The following NLGN1 variants were observed in gnomAD, a reference collection of about 807,000 sequenced individuals.
The protein encoded by NLGN1 is neuroligin 1.
Under a neutral mutation model 65.5 loss-of-function variants are expected in NLGN1, and 12 were observed. That is an observed-to-expected ratio of 0.18 (90% CI 0.12 to 0.30). NLGN1 has a LOEUF of 0.30. Ranked by LOEUF, NLGN1 falls within the 10% of genes least tolerant of loss-of-function variation. NLGN1 has a pLI of 1.00. For missense variants in NLGN1, 750 were observed against 1,007.1 expected (o/e 0.74, Z 3.46); for synonymous variants, 350 against 359.5 (o/e 0.97, Z 0.30).
intron 4 of NLGN1, among the ~76,000 whole-genome samples, chr3:174,071,026 G>A (rs1439630289): frequency 6.6e-6 from 1 of 152,110 alleles, no homozygotes; most frequent in East Asian, 1.9e-4. Context: ...CTGTACTCCA[G>A]CCTGGGCGAG....
intron 2 of NLGN1, among the ~76,000 whole-genome samples, chr3:173,501,619 A>C (rs1731129991): frequency 6.6e-6 from 1 of 151,142 alleles, no homozygotes; most frequent in Non-Finnish European, 1.5e-5. Context: ...GAGAGATGGG[A>C]GGAAAATGTG....
rs188317806 is a variant in NLGN1 at position 173,600,425 on chromosome 3, T to C, written c.-320-3854T>C. Among the ~76,000 whole-genome samples the C allele has an allele frequency of 1.6e-3, 245 of 152,150 alleles. 1 individual carries two copies. The highest frequency in any genetic ancestry group is 0.01 in the Middle Eastern group (3 of 294). ...CTGAGATTCAACCATGCTTGCACTATATAACAAATTTTCATATACATTTTA... is the reference window on the plus strand; with the variant it reads ...CTGAGATTCAACCATGCTTGCACTACATAACAAATTTTCATATACATTTTA... On this transcript the variant is annotated intron_variant, in intron 2 of 6. Transcript: ENST00000457714.
chr3:174,003,069 A>G (rs918102124), intron 4 of NLGN1, among the ~76,000 whole-genome samples: 2 of 152,134 alleles, frequency 1.3e-5, no homozygotes, highest in African/African-American at 4.8e-5. Context: ...CTGGGTGGCA[A>G]TGAGTTAACT....
intron 4 of NLGN1, among the ~76,000 whole-genome samples, chr3:174,214,269 T>A (rs1211653104): frequency 6.6e-6 from 1 of 152,194 alleles, no homozygotes; most frequent in African/African-American, 2.4e-5. Flanking sequence ...TATTGTTTCT[T>A]CAGAATTATA....
chr3:174,237,771 G>T (rs1351916980), intron 4 of NLGN1, among the ~76,000 whole-genome samples: 2 of 152,078 alleles, frequency 1.3e-5, no homozygotes, highest in African/African-American at 4.8e-5. Context: ...TGGCCAGGCT[G>T]GTCTCAAACT....
chr3:174,107,403 G>A (rs891258942), intron 4 of NLGN1, among the ~76,000 whole-genome samples: 3 of 152,048 alleles, frequency 2.0e-5, no homozygotes, highest in African/African-American at 4.8e-5. Flanking sequence ...TAAGACTTAT[G>A]CCCGGCATTT....
intron 4 of NLGN1, among the ~76,000 whole-genome samples, chr3:173,898,741 C>T (rs1024637190): frequency 6.6e-6 from 1 of 152,256 alleles, no homozygotes; most frequent in Non-Finnish European, 1.5e-5. Context: ...GGATTGTATG[C>T]TACTTTGACA....
At chr3:173,470,695 A>G (rs2148925178) in intron 2 of NLGN1, among the ~76,000 whole-genome samples, 1 of 152,290 alleles carries the variant, frequency 6.6e-6, no homozygotes, top group East Asian at 1.9e-4. Context: ...GTAGATAGAA[A>G]GCACTCAATA....
intron 3 of NLGN1, among the ~76,000 whole-genome samples, chr3:173,699,038 T>C (rs1766692476): frequency 6.6e-6 from 1 of 152,078 alleles, no homozygotes; most frequent in South Asian, 2.1e-4. Context: ...GTAATTTTAG[T>C]AGAGACGCGT....
intron 3 of NLGN1, chr3:173,789,775 C>T (rs187705644): frequency 2.4e-5 from 11 of 457,834 alleles, no homozygotes; most frequent in South Asian, 1.4e-4. Context: ...CTCCGCCCAT[C>T]CTTCCTTGGA....
At chr3:173,747,447 A>G (rs1007684311) in intron 3 of NLGN1, among the ~76,000 whole-genome samples, 1 of 149,044 alleles carries the variant, frequency 6.7e-6, no homozygotes, top group Non-Finnish European at 1.5e-5. Context: ...GCACATATTT[A>G]GAATATCAAA....
intron 4 of NLGN1, among the ~76,000 whole-genome samples, chr3:174,016,722 T>C (rs953323716): frequency 4.6e-5 from 7 of 152,174 alleles, no homozygotes; most frequent in Admixed American, 2.0e-4. Context: ...TCATTCTCTA[T>C]TTTTGTATTA....
intron 4 of NLGN1, among the ~76,000 whole-genome samples, chr3:173,890,615 C>T (rs938943302): frequency 1.1e-4 from 16 of 152,162 alleles, no homozygotes; most frequent in East Asian, 1.9e-4. Flanking sequence ...ATTGTTATTG[C>T]ACTCTGATCT....
chr3:173,758,738 A>T (rs533038272), intron 3 of NLGN1, among the ~76,000 whole-genome samples: 30 of 152,140 alleles, frequency 2.0e-4, no homozygotes, highest in African/African-American at 7.0e-4. Flanking sequence ...CTCAATTTTT[A>T]CATTAAAACT....
At chr3:173,732,885 A>C (rs1773080027) in intron 3 of NLGN1, among the ~76,000 whole-genome samples, 1 of 152,094 alleles carries the variant, frequency 6.6e-6, no homozygotes, top group Non-Finnish European at 1.5e-5. Context: ...TGTATTATAA[A>C]ATTATTATGA....
intron 4 of NLGN1, among the ~76,000 whole-genome samples, chr3:173,949,633 G>A (rs1348806564): frequency 1.3e-5 from 2 of 151,956 alleles, no homozygotes; most frequent in African/African-American, 4.8e-5. Context: ...AAAAATGAAG[G>A]CATCCTATAA....
chr3:173,812,534 T>G (rs552339838), intron 4 of NLGN1, among the ~76,000 whole-genome samples: 2 of 151,724 alleles, frequency 1.3e-5, no homozygotes, highest in Admixed American at 1.3e-4. Context: ...TCAAGACAAG[T>G]CTGGGCAAAA....
At position 173,746,126 on chromosome 3, in the gene NLGN1, A is replaced by G. The variant is rs148639726; in HGVS notation, c.494-61554A>G. On this transcript the variant is annotated intron_variant, in intron 3 of 6. Transcript: ENST00000457714. ...GGCAGCAGAAAGGAATGAACAGTTTATACCCACCTATTAATCTTAGGCTGC... is the reference window on the plus strand; with the variant it reads ...GGCAGCAGAAAGGAATGAACAGTTTGTACCCACCTATTAATCTTAGGCTGC... Among the ~76,000 whole-genome samples, 590 of 152,140 alleles carry G rather than the reference A, an allele frequency of 3.9e-3. 5 individuals carry two copies. Among genetic ancestry groups the G allele is most frequent in the African/African-American group, 0.013 (558 of 41,532 alleles).
At chr3:173,944,378 G>A (rs1240715876) in intron 4 of NLGN1, among the ~76,000 whole-genome samples, 1 of 151,986 alleles carries the variant, frequency 6.6e-6, no homozygotes, top group Admixed American at 6.6e-5. Context: ...GTTTACATGG[G>A]CAACATGAAG....
Sources: gnomAD v4.1 joint callset for allele counts (sites outside exome capture counted in the v4.1 genomes callset) on GRCh38, gnomAD v4.1.1 for gene constraint, MANE v1.5 for transcripts, NCBI Gene and HGNC (gene_info 2026-07-23, HGNC 2026-07-21) for gene names.